CADPS: variants seen among roughly 807,000 people sequenced by gnomAD.
The protein encoded by CADPS is calcium dependent secretion activator.
CADPS carries 57 observed loss-of-function variants against 167.3 expected under a neutral mutation model. The observed-to-expected ratio is 0.34, with a 90% CI of 0.28 to 0.42. The LOEUF (loss-of-function observed/expected upper bound fraction) is 0.42, where lower values mean the gene tolerates loss of function less well. Among genes scored for constraint, CADPS ranks in the 20% least tolerant of loss-of-function variants. CADPS has a pLI of 1.00. For synonymous variants in CADPS, 676 were observed against 635.3 expected (o/e 1.06, Z -0.96); for missense variants, 1,414 against 1,738.1 (o/e 0.81, Z 3.32).
At chr3:62,626,524 A>C (rs1027852723) in intron 6 of CADPS, 4 of 702,726 alleles carry the variant, frequency 5.7e-6, no homozygotes, top group Non-Finnish European at 1.0e-5. Flanking sequence ...AAGACGGGAC[A>C]TCAAATGGCA....
At chr3:62,400,546 C>A (rs1465608853) in intron 29 of CADPS, among the ~76,000 whole-genome samples, 1 of 150,482 alleles carries the variant, frequency 6.6e-6, no homozygotes, top group Admixed American at 6.6e-5. Flanking sequence ...AGGGGCAAGA[C>A]AAGGAATGCT....
chr3:62,859,936 C>G (rs17067273), intron 1 of CADPS, among the ~76,000 whole-genome samples: 16,842 of 152,148 alleles, frequency 0.11, 1,023 homozygotes, highest in Non-Finnish European at 0.13. Context: ...TTGATGGGCC[C>G]TCTGCCTTGG....
rs144816287 is a variant in CADPS, at chr3:62,831,328, T to A, written c.441+43261A>T. Reference sequence around the variant, plus strand: ...TTTCCAAAGTCATACAGCTAATAACTGGCAGAGACACTATCATATCTAGGC... The same window carrying A: ...TTTCCAAAGTCATACAGCTAATAACAGGCAGAGACACTATCATATCTAGGC... On this transcript the variant is annotated intron_variant, in intron 1 of 29. Coordinates refer to ENST00000383710, the MANE Select transcript of CADPS (RefSeq NM_003716.4). 3.2e-4 allele frequency among the ~76,000 whole-genome samples: 49 copies of A among 152,306 alleles called. 1 individual carries two copies. Among genetic ancestry groups the A allele is most frequent in the African/African-American group, 1.1e-3 (47 of 41,568 alleles).
intron 3 of CADPS, among the ~76,000 whole-genome samples, chr3:62,747,468 T>G (rs2081728907): frequency 6.6e-6 from 1 of 152,202 alleles, no homozygotes; most frequent in Non-Finnish European, 1.5e-5. Context: ...CCTGATAATT[T>G]GAGGTTTCTC....
At chr3:62,539,321 G>C (rs766115797) in intron 11 of CADPS, among the ~76,000 whole-genome samples, 1 of 152,086 alleles carries the variant, frequency 6.6e-6, no homozygotes, top group African/African-American at 2.4e-5. Context: ...ACTATGTGTG[G>C]AATGGAGCTT....
At chr3:62,859,776 T>C (rs1458791453) in intron 1 of CADPS, among the ~76,000 whole-genome samples, 1 of 152,198 alleles carries the variant, frequency 6.6e-6, no homozygotes, top group Non-Finnish European at 1.5e-5. Flanking sequence ...GAGCAAATCA[T>C]GTCCTTTGCA....
chr3:62,650,851 A>G lies in CADPS; in HGVS notation c.1199T>C (p.Leu400Ser). The G allele has an allele frequency of 1.2e-6, 2 of 1,613,364 alleles. No individual in the cohort carries two copies. The highest frequency in any genetic ancestry group is 1.7e-6 in the Non-Finnish European group (2 of 1,179,488). The change falls in exon 5 of 30, where the codon TTG becomes TCG. Residue 400 changes from leucine to serine, a missense_variant. By Grantham distance (145) the Leu-to-Ser change is moderately radical (BLOSUM62 -2). This residue lies in a region of CADPS where 522 missense variants were observed against 559.5 expected (regional missense o/e 0.93). Coordinates refer to ENST00000383710, the MANE Select transcript of CADPS (RefSeq NM_003716.4). ...SKSDVVLSFS[L>S]EVVIMEVQGL... The stretch of plus-strand genomic sequence containing the variant: ...CAAGGGCTCAGGGCTTTTTACCTCC[A>G]ATGAGAAAGACAGCACGACATCTGA...
intron 8 of CADPS, among the ~76,000 whole-genome samples, chr3:62,581,334 G>A (rs891799844): frequency 6.7e-6 from 1 of 149,532 alleles, no homozygotes; most frequent in Non-Finnish European, 1.5e-5. Flanking sequence ...ATCTCAAATT[G>A]TAACTTATTT....
At chr3:62,402,229 G>A (rs1394555848) in intron 29 of CADPS, among the ~76,000 whole-genome samples, 7 of 130,846 alleles carry the variant, frequency 5.3e-5, no homozygotes, top group African/African-American at 8.7e-5. Flanking sequence ...ACTAAGAAAC[G>A]GGGTGGGGGC....
chr3:62,562,329 G>A (rs1448813404), intron 9 of CADPS, among the ~76,000 whole-genome samples: 1 of 152,162 alleles, frequency 6.6e-6, no homozygotes, highest in African/African-American at 2.4e-5. Context: ...ATTTGGTGGA[G>A]GAGAAGGAGA....
intron 9 of CADPS, among the ~76,000 whole-genome samples, chr3:62,568,630 A>G (rs2080736964): frequency 6.6e-6 from 1 of 152,140 alleles, no homozygotes; most frequent in Non-Finnish European, 1.5e-5. Flanking sequence ...AGAATAAGCC[A>G]CTATCAGCTT....
chr3:62,862,147 A>C (rs898089421), intron 1 of CADPS, among the ~76,000 whole-genome samples: 1 of 152,094 alleles, frequency 6.6e-6, no homozygotes, highest in African/African-American at 2.4e-5. Flanking sequence ...AGTGACTTCC[A>C]AACACATATT....
intron 1 of CADPS, among the ~76,000 whole-genome samples, chr3:62,863,175 T>C (rs76748310): frequency 6.6e-6 from 1 of 152,180 alleles, no homozygotes; most frequent in Non-Finnish European, 1.5e-5. Flanking sequence ...CAGTTATACA[T>C]TGAAGTAAGG....
chr3:62,604,420 A>G (rs556094375), intron 6 of CADPS, among the ~76,000 whole-genome samples: 1 of 152,326 alleles, frequency 6.6e-6, no homozygotes. Flanking sequence ...AGCTCTTCAC[A>G]TGCAGGACTG....
At position 62,658,856 on chromosome 3, in the gene CADPS, T is replaced by C. The variant is rs142064448; in HGVS notation, c.969+3458A>G. ...GTTGGGCCAGTGAGAGTTCTGATTC[T>C]TAGCATTGTGAATTTGCAGGGGATA... On this transcript the variant is annotated intron_variant, in intron 4 of 29. Transcript: ENST00000383710. 3.2e-3 allele frequency among the ~76,000 whole-genome samples: 487 copies of C among 152,308 alleles called. 2 individuals are homozygous for C. Among genetic ancestry groups the C allele is most frequent in the South Asian group, 6.8e-3 (33 of 4,826 alleles).
At chr3:62,611,766 C>T (rs1578791324) in intron 6 of CADPS, among the ~76,000 whole-genome samples, 1 of 152,240 alleles carries the variant, frequency 6.6e-6, no homozygotes, top group East Asian at 1.9e-4. Context: ...TCCCTCAGCT[C>T]CCTGCATGAA....
At chr3:62,723,274 A>G (rs1207441336) in intron 3 of CADPS, among the ~76,000 whole-genome samples, 1 of 152,202 alleles carries the variant, frequency 6.6e-6, no homozygotes, top group Non-Finnish European at 1.5e-5. Flanking sequence ...AAGATGTTGT[A>G]GGTCTCCGAT....
chr3:62,817,256 G>T (rs190698132), intron 1 of CADPS, among the ~76,000 whole-genome samples: 13 of 152,234 alleles, frequency 8.5e-5, no homozygotes, highest in Admixed American at 7.9e-4. Context: ...CTCATATCTT[G>T]AAAGGTCAGA....
intron 18 of CADPS, among the ~76,000 whole-genome samples, chr3:62,497,803 A>T (rs1380065420): frequency 6.6e-6 from 1 of 152,214 alleles, no homozygotes; most frequent in Non-Finnish European, 1.5e-5. Context: ...ACTAAGTTTG[A>T]TACTCATCTG....
Sources: gnomAD v4.1 joint callset for allele counts (sites outside exome capture counted in the v4.1 genomes callset) on GRCh38, gnomAD v4.1.1 for gene constraint, gnomAD v4.1.1 regional missense constraint, MANE v1.5 for transcripts, NCBI Gene and HGNC (gene_info 2026-07-23, HGNC 2026-07-21) for gene names.